Variants in MCTP1 observed in about 807,000 individuals in gnomAD.
MCTP1 encodes multiple C2 and transmembrane domain containing 1, also known as multiple C2 and transmembrane domain-containing protein 1.
A neutral mutation model predicts 120.6 loss-of-function variants in MCTP1; 69 were observed. The ratio of observed to expected loss-of-function variants is 0.57; its 90% CI spans 0.47 to 0.70. The LOEUF (loss-of-function observed/expected upper bound fraction) is 0.70. Among genes scored for constraint, MCTP1 ranks in the 30% least tolerant of loss-of-function variants. The probability of loss-of-function intolerance (pLI) is 0.00; values close to 1 mark genes in which losing one functional copy is unlikely to be tolerated. For missense variants in MCTP1, 1,203 were observed against 1,248.8 expected (o/e 0.96, Z 0.55); for synonymous variants, 529 against 493.1 (o/e 1.07, Z -0.96).
intron 1 of MCTP1, among the ~76,000 whole-genome samples, chr5:95,268,797 T>C (rs1270124002): frequency 2.0e-5 from 3 of 152,348 alleles, no homozygotes; most frequent in East Asian, 1.9e-4. Flanking sequence ...CACCAGCTTA[T>C]TGGGGCCAAA....
intron 20 of MCTP1, among the ~76,000 whole-genome samples, chr5:94,714,459 A>G (rs1758349940): frequency 6.6e-6 from 1 of 152,152 alleles, no homozygotes; most frequent in African/African-American, 2.4e-5. Flanking sequence ...TTTTTTTCCT[A>G]TCACAATTTC....
intron 1 of MCTP1, among the ~76,000 whole-genome samples, chr5:95,201,483 T>G (rs1218734005): frequency 0.042 from 310 of 7,438 alleles, 3 homozygotes; most frequent in African/African-American, 0.11. Flanking sequence ...TTTTTTTTTT[T>G]TTTTTTTTTT....
At position 94,871,441 on chromosome 5, in the gene MCTP1, A is replaced by T. The variant is rs370739097; in HGVS notation, c.2037-24T>A. The T allele has an allele frequency of 3.8e-5, 57 of 1,497,722 alleles. No homozygotes were observed. In the African/African-American group the frequency reaches 6.1e-4, roughly 16 times the overall value. 92.8% of individuals were successfully genotyped at this position (1,497,722 alleles called of 1,614,324 possible). ...TGCTGCATAATAAATATATGTAAGA[A>T]AAAAAGATTTCATCAGTAGGAAACA... On this transcript the variant is annotated intron_variant, in intron 13 of 22. Coordinates refer to ENST00000515393, the MANE Select transcript of MCTP1 (RefSeq NM_024717.7).
At chr5:94,900,197 C>T (rs1328519947) in intron 10 of MCTP1, among the ~76,000 whole-genome samples, 1 of 152,210 alleles carries the variant, frequency 6.6e-6, no homozygotes, top group Non-Finnish European at 1.5e-5. Flanking sequence ...TATGTTTGGA[C>T]AAGGCATGCC....
chr5:95,057,957 A>G (rs1747865286), intron 1 of MCTP1, among the ~76,000 whole-genome samples: 1 of 152,210 alleles, frequency 6.6e-6, no homozygotes, highest in Non-Finnish European at 1.5e-5. Flanking sequence ...CCTTATTTAT[A>G]ATAAAAGACT....
intron 1 of MCTP1, among the ~76,000 whole-genome samples, chr5:95,035,689 C>T (rs1841168468): frequency 6.6e-6 from 1 of 151,990 alleles, no homozygotes. Flanking sequence ...AATCATGTAA[C>T]AAACCTGCAT....
intron 11 of MCTP1, among the ~76,000 whole-genome samples, chr5:94,891,183 T>C (rs1200688038): frequency 6.6e-6 from 1 of 151,528 alleles, no homozygotes; most frequent in East Asian, 1.9e-4. Flanking sequence ...GGATTAACTG[T>C]TAATCTTTTA....
Position 94,781,629 on chromosome 5 carries a change from A to C in MCTP1, c.2557-2466T>G, listed in dbSNP as rs558292821. 3.4e-3 allele frequency among the ~76,000 whole-genome samples: 513 copies of C among 152,280 alleles called. 2 individuals are homozygous for C. The highest frequency in any genetic ancestry group is 5.3e-3 in the Non-Finnish European group (358 of 68,006). ...CACTATCTTCAAATTAATTTTCAAA[A>C]ATTCAAAATAAGATTAAGCCATAAA... On this transcript the variant is annotated intron_variant, in intron 18 of 22. Coordinates refer to ENST00000515393, the MANE Select transcript of MCTP1 (RefSeq NM_024717.7).
At chr5:95,084,559 C>T (rs1187882371) in intron 1 of MCTP1, among the ~76,000 whole-genome samples, 2 of 150,464 alleles carry the variant, frequency 1.3e-5, no homozygotes, top group Admixed American at 6.6e-5. Flanking sequence ...TTCCTCTTGG[C>T]CTCCTGCAAG....
intron 1 of MCTP1, among the ~76,000 whole-genome samples, chr5:95,184,232 C>T (rs1183737082): frequency 6.6e-6 from 1 of 152,026 alleles, no homozygotes; most frequent in African/African-American, 2.4e-5. Flanking sequence ...ATAGAATCTC[C>T]AACTTCTAGA....
rs560070242 is a variant in MCTP1, at chr5:95,103,126, TTTA to T, written c.721-85645_721-85643del. On this transcript the variant is annotated intron_variant, in intron 1 of 22. Coordinates refer to ENST00000515393, the MANE Select transcript of MCTP1 (RefSeq NM_024717.7). ...ATTATTGTTTTATTAATATTTATTA[TTTA>T]TTATTATATTATTATTGTCTTGTTA... Among the ~76,000 whole-genome samples, 13 of 151,524 alleles carry T rather than the reference TTTA, an allele frequency of 8.6e-5. No individual in the cohort carries two copies. The East Asian group carries it at 1.2e-3, about 14-fold the overall frequency.
intron 1 of MCTP1, among the ~76,000 whole-genome samples, chr5:95,259,614 G>C (rs1483917292): frequency 6.6e-6 from 1 of 152,072 alleles, no homozygotes; most frequent in African/African-American, 2.4e-5. Flanking sequence ...GCTGTACCCT[G>C]GTGGGGGCCC....
chr5:95,236,550 T>C (rs1755564180), intron 1 of MCTP1, among the ~76,000 whole-genome samples: 3 of 152,184 alleles, frequency 2.0e-5, no homozygotes, highest in South Asian at 2.1e-4. Flanking sequence ...AGGAGGTCAA[T>C]TGTGATTGGT....
intron 1 of MCTP1, among the ~76,000 whole-genome samples, chr5:95,221,645 T>C (rs1753708724): frequency 6.6e-6 from 1 of 152,226 alleles, no homozygotes; most frequent in Non-Finnish European, 1.5e-5. Context: ...ATGTTTAATA[T>C]CAAAACATTT....
chr5:94,722,691 C>T (rs1761187064), intron 19 of MCTP1, among the ~76,000 whole-genome samples: 3 of 152,092 alleles, frequency 2.0e-5, no homozygotes, highest in African/African-American at 7.2e-5. Context: ...AATTTTGCTT[C>T]TCCTTTAAAG....
intron 2 of MCTP1, among the ~76,000 whole-genome samples, chr5:94,974,341 G>C (rs936784248): frequency 8.5e-5 from 13 of 152,090 alleles, no homozygotes; most frequent in Admixed American, 7.2e-4. Flanking sequence ...CAGGTCAGGA[G>C]TTTGAGACCA....
At position 94,850,569 on chromosome 5, in the gene MCTP1, G is replaced by A. The variant is rs139169641; in HGVS notation, c.2436+17764C>T. 5.5e-3 allele frequency among the ~76,000 whole-genome samples: 833 copies of A among 152,152 alleles called. 9 individuals carry two copies. The highest frequency in any genetic ancestry group is 0.017 in the African/African-American group (725 of 41,550). On this transcript the variant is annotated intron_variant, in intron 17 of 22. Transcript: ENST00000515393. Reference sequence around the variant, plus strand: ...TATTTACTGACAAGCAGCTAAGCCCGGGAACATGTAAAGACTGCACACTGC... The same window carrying A: ...TATTTACTGACAAGCAGCTAAGCCCAGGAACATGTAAAGACTGCACACTGC...
intron 17 of MCTP1, among the ~76,000 whole-genome samples, chr5:94,809,693 A>G (rs1783041278): frequency 6.6e-6 from 1 of 152,128 alleles, no homozygotes; most frequent in Non-Finnish European, 1.5e-5. Context: ...CATATTTATT[A>G]TTTTAAATGA....
intron 1 of MCTP1, among the ~76,000 whole-genome samples, chr5:95,222,753 T>C (rs748968664): frequency 1.7e-4 from 26 of 152,378 alleles, no homozygotes; most frequent in African/African-American, 5.8e-4. Context: ...ATCACTTTAG[T>C]AAGGAATATT....
Sources: allele counts gnomAD v4.1 joint callset (sites outside exome capture counted in the v4.1 genomes callset), GRCh38; gene constraint gnomAD v4.1.1; transcripts MANE v1.5; gene names NCBI Gene and HGNC (gene_info 2026-07-23, HGNC 2026-07-21).